The following EIF4H variants were observed in gnomAD, a reference collection of about 807,000 sequenced individuals.
The protein encoded by EIF4H is Williams-Beuren syndrome chromosome region 1.
A neutral mutation model predicts 30.6 loss-of-function variants in EIF4H; 8 were observed. The observed-to-expected ratio is 0.26, with a 90% CI of 0.15 to 0.47. EIF4H has a LOEUF of 0.47. Among genes scored for constraint, EIF4H ranks in the 20% least tolerant of loss-of-function variants. The pLI is 0.99. For synonymous variants in EIF4H, 106 were observed against 122.7 expected, an observed-to-expected ratio of 0.86 and a Z score of 0.90; for missense variants, 188 against 339.5, an observed-to-expected ratio of 0.55 and a Z score of 3.51.
chr7:74,193,407 G>A (rs1554710255), intron 5 of EIF4H, among the ~76,000 whole-genome samples: 1 of 152,132 alleles, frequency 6.6e-6, no homozygotes, highest in Non-Finnish European at 1.5e-5. Context: ...GCGACTGGGT[G>A]GATTTGCAAA....
At chr7:74,193,758 G>T (rs949127076) in intron 5 of EIF4H, among the ~76,000 whole-genome samples, 1 of 152,030 alleles carries the variant, frequency 6.6e-6, no homozygotes, top group Non-Finnish European at 1.5e-5. Context: ...AACCCCAGGC[G>T]TGCGCCACCA....
chr7:74,174,451 G>C lies in EIF4H; in HGVS notation c.59+9G>C, dbSNP rs1554707345. 7.0e-6 allele frequency: 10 copies of C among 1,425,326 alleles called. No homozygotes were observed. The highest frequency in any genetic ancestry group is 1.5e-5 in the African/African-American group (1 of 68,138). The allele number at this position is 1,425,326 out of a possible 1,614,324, so 88.3% of individuals were successfully genotyped here. On this transcript the variant is annotated intron_variant, in intron 1 of 6. Transcript: ENST00000265753. ...TTCGGCGGCGGCAGAGGGTGAGGCG[G>C]GCGTGCGCGGGCCCCGTCGGGGGCT...
intron 5 of EIF4H, among the ~76,000 whole-genome samples, chr7:74,192,720 C>T (rs1801251283): frequency 7.2e-6 from 1 of 138,400 alleles, no homozygotes; most frequent in Non-Finnish European, 1.5e-5. Flanking sequence ...CTCTGTTGCC[C>T]AGGCTGGAGT....
chr7:74,187,951 T>C (rs1321466438), intron 2 of EIF4H, among the ~76,000 whole-genome samples, 153 bp downstream of exon 2: 14 of 152,236 alleles, frequency 9.2e-5, no homozygotes, highest in Non-Finnish European at 1.5e-5. Flanking sequence ...GAAACATAAC[T>C]CTTCAACTCA....
intron 1 of EIF4H, among the ~76,000 whole-genome samples, chr7:74,186,788 A>AATTTTTTTTTTTTTTTTTTTTTTTTT: frequency 1.4e-5 from 1 of 70,122 alleles, no homozygotes; most frequent in Non-Finnish European, 2.9e-5. Context: ...ACAAGGAGAA[A>AATTTTTTTTTTTTTTTTTTTTTTTTT]TTTTTTTTTT....
At chr7:74,176,792 A>G (rs1800851981) in intron 1 of EIF4H, among the ~76,000 whole-genome samples, 1 of 152,244 alleles carries the variant, frequency 6.6e-6, no homozygotes, top group Non-Finnish European at 1.5e-5. Flanking sequence ...CAGGGACTGC[A>G]TTGTTCAGCA....
At chr7:74,186,937 T>C (rs1317517242) in intron 1 of EIF4H, among the ~76,000 whole-genome samples, 1 of 151,546 alleles carries the variant, frequency 6.6e-6, no homozygotes, top group African/African-American at 2.4e-5. Context: ...GAGAAATAAT[T>C]CTATTATGTA....
chr7:74,182,391 G>A (rs782069341), intron 1 of EIF4H, among the ~76,000 whole-genome samples: 3 of 152,142 alleles, frequency 2.0e-5, no homozygotes, highest in Non-Finnish European at 4.4e-5. Context: ...GGGTTTTGCC[G>A]TGTTCCCCAC....
intron 1 of EIF4H, among the ~76,000 whole-genome samples, chr7:74,183,110 T>C (rs1259034947): frequency 2.0e-5 from 3 of 152,212 alleles, no homozygotes; most frequent in Non-Finnish European, 4.4e-5. Flanking sequence ...ACGTGGTTGA[T>C]TTGAGTAAGG....
chr7:74,188,730 C>G (rs1199755918), intron 2 of EIF4H, among the ~76,000 whole-genome samples: 1 of 152,110 alleles, frequency 6.6e-6, no homozygotes, highest in Non-Finnish European at 1.5e-5. Flanking sequence ...TCGCTGCAGG[C>G]TTTGGAGTTT....
chr7:74,190,241 C>A lies in EIF4H; in HGVS notation c.410-6C>A. On this transcript the variant is annotated splice_polypyrimidine_tract_variant and splice_region_variant and intron_variant, in intron 4 of 6. Coordinates refer to ENST00000265753, the MANE Select transcript of EIF4H (RefSeq NM_022170.2). ...CCTCAACTTTATCTTTTTTGTGTAT[C>A]CTCAGGAATGGGTAGCTCTCGAGAA... The A allele has an allele frequency of 6.2e-7, 1 of 1,613,250 alleles. No homozygotes were observed. The highest frequency in any genetic ancestry group is 8.5e-7 in the Non-Finnish European group (1 of 1,179,492).
chr7:74,179,910 A>G (rs1800920850), intron 1 of EIF4H, among the ~76,000 whole-genome samples: 1 of 152,050 alleles, frequency 6.6e-6, no homozygotes, highest in Non-Finnish European at 1.5e-5. Context: ...AAATTTTACC[A>G]TTGGCAACAA....
rs782743961 is a variant in EIF4H at position 74,194,922 on chromosome 7, A to G, written c.607+44A>G. 5 of 1,561,058 alleles carry G rather than the reference A, an allele frequency of 3.2e-6. No individual in the cohort carries two copies. In the South Asian group the frequency reaches 4.7e-5, roughly 15 times the overall value. Reference sequence around the variant, plus strand: ...GTGGAGGGCATCTTGTCCTGATGGGATGATCATGGCCGGTTCACACCCCGT... The same window carrying G: ...GTGGAGGGCATCTTGTCCTGATGGGGTGATCATGGCCGGTTCACACCCCGT... On this transcript the variant is annotated intron_variant, in intron 6 of 6. Coordinates refer to ENST00000265753, the MANE Select transcript of EIF4H (RefSeq NM_022170.2).
intron 1 of EIF4H, among the ~76,000 whole-genome samples, chr7:74,186,788 A>ATTTTTTTTTTTTTTTT (rs564794579): frequency 1.4e-5 from 1 of 70,088 alleles, no homozygotes; most frequent in African/African-American, 4.9e-5. Flanking sequence ...ACAAGGAGAA[A>ATTTTTTTTTTTTTTTT]TTTTTTTTTT....
At chr7:74,195,102 G>A in intron 6 of EIF4H, 67 bp from the exon 7 acceptor site, 1 of 1,587,658 alleles carries the variant, frequency 6.3e-7, no homozygotes, top group Non-Finnish European at 8.6e-7. Flanking sequence ...AGCAACATCA[G>A]CATGGTCGTT....
chr7:74,184,400 C>G (rs1289295981), intron 1 of EIF4H, among the ~76,000 whole-genome samples: 1 of 152,014 alleles, frequency 6.6e-6, no homozygotes, highest in Non-Finnish European at 1.5e-5. Context: ...GAGAGTTTAT[C>G]ATCTCTCTTC....
intron 5 of EIF4H, 89 bp from the exon 6 acceptor site, chr7:74,194,652 G>C: frequency 1.4e-6 from 2 of 1,443,976 alleles, no homozygotes; most frequent in Non-Finnish European, 1.8e-6. Flanking sequence ...AATTTAAAAT[G>C]AAACTCAAAC....
At chr7:74,182,950 CTG>C (rs1554708667) in intron 1 of EIF4H, among the ~76,000 whole-genome samples, 2 of 152,190 alleles carry the variant, frequency 1.3e-5, no homozygotes, top group Non-Finnish European at 2.9e-5. Context: ...CCTGGTGAAA[CTG>C]TTCTCATTGC....
intron 1 of EIF4H, among the ~76,000 whole-genome samples, chr7:74,180,038 C>G (rs1336956997): frequency 2.6e-5 from 4 of 151,894 alleles, no homozygotes; most frequent in African/African-American, 7.3e-5. Flanking sequence ...CTGGTCTTTT[C>G]AAAAATAAAA....
Sources: allele counts gnomAD v4.1 joint callset (sites outside exome capture counted in the v4.1 genomes callset), GRCh38; gene constraint gnomAD v4.1.1; transcripts MANE v1.5; gene names NCBI Gene and HGNC (gene_info 2026-07-23, HGNC 2026-07-21).